The following DNM3 variants were observed in gnomAD, a reference collection of about 807,000 sequenced individuals.
DNM3 encodes the protein dynamin-3.
DNM3 carries 47 observed loss-of-function variants against 101.6 expected under a neutral mutation model. The observed-to-expected ratio is 0.46, with a 90% confidence interval of 0.37 to 0.59. The LOEUF (loss-of-function observed/expected upper bound fraction) is 0.59. Among genes scored for constraint, DNM3 ranks in the 20% least tolerant of loss-of-function variants. The probability of loss-of-function intolerance (pLI) is 0.00; values close to 1 mark genes in which losing one functional copy is unlikely to be tolerated. For missense variants in DNM3, 849 were observed against 1,085.7 expected (o/e 0.78, Z 3.06); for synonymous variants, 385 against 387.9 (o/e 0.99, Z 0.09).
chr1:171,934,012 T>C (rs1282839112), intron 2 of DNM3, among the ~76,000 whole-genome samples: 2 of 152,244 alleles, frequency 1.3e-5, no homozygotes, highest in Non-Finnish European at 2.9e-5. Context: ...TTTTCTCTTC[T>C]CATTTCCATT....
intron 14 of DNM3, among the ~76,000 whole-genome samples, chr1:172,209,129 C>T (rs1230077535): frequency 6.6e-6 from 1 of 151,972 alleles, no homozygotes; most frequent in Non-Finnish European, 1.5e-5. Context: ...GAGGTAATCA[C>T]AGGGGACCCT....
chr1:172,175,394 G>A (rs760066978), intron 14 of DNM3, among the ~76,000 whole-genome samples: 7 of 151,672 alleles, frequency 4.6e-5, no homozygotes, highest in Non-Finnish European at 8.9e-5. Context: ...TGTTAATATT[G>A]ATTTATCCAT....
chr1:172,335,701 A>T (rs1337055326), intron 17 of DNM3, among the ~76,000 whole-genome samples: 2 of 152,180 alleles, frequency 1.3e-5, no homozygotes, highest in Admixed American at 1.3e-4. Flanking sequence ...CAGAAAACCA[A>T]ATACCACATG....
chr1:172,405,528 A>C (rs994634629), intron 20 of DNM3, among the ~76,000 whole-genome samples: 2 of 152,064 alleles, frequency 1.3e-5, no homozygotes, highest in Non-Finnish European at 2.9e-5. Flanking sequence ...GCCTTGATCC[A>C]AGCTATCACA....
chr1:172,019,890 T>C lies in DNM3; in HGVS notation c.590-12512T>C, dbSNP rs189427375. Among the ~76,000 whole-genome samples the C allele has an allele frequency of 3.1e-3, 466 of 152,170 alleles. 2 individuals carry two copies. The highest frequency in any genetic ancestry group is 0.011 in the African/African-American group (447 of 41,488). ...TTTGTAGGCTGTATATCTTATCTAC[T>C]AGAACTCTTAGGATGTTAATCACAG... is the stretch of plus-strand genomic sequence containing the variant. On this transcript the variant is annotated intron_variant, in intron 4 of 20. Transcript: ENST00000627582.
intron 10 of DNM3, among the ~76,000 whole-genome samples, chr1:172,063,884 A>T (rs1338870642): frequency 6.6e-6 from 1 of 152,102 alleles, no homozygotes; most frequent in South Asian, 2.1e-4. Context: ...TTTCACTATT[A>T]TAATATAAGC....
intron 1 of DNM3, among the ~76,000 whole-genome samples, chr1:171,865,255 C>T (rs1276741364): frequency 6.6e-6 from 1 of 151,504 alleles, no homozygotes; most frequent in African/African-American, 2.4e-5. Flanking sequence ...GTAGCTTATG[C>T]CTGTAACCCC....
At chr1:172,000,502 A>C (rs2046294191) in intron 4 of DNM3, among the ~76,000 whole-genome samples, 1 of 152,124 alleles carries the variant, frequency 6.6e-6, no homozygotes, top group Non-Finnish European at 1.5e-5. Flanking sequence ...CTGAGGAGCC[A>C]GGAAGATGCT....
intron 14 of DNM3, among the ~76,000 whole-genome samples, chr1:172,194,212 T>G (rs2059856569): frequency 6.6e-6 from 1 of 152,214 alleles, no homozygotes. Flanking sequence ...TTGACTGCAC[T>G]GTGGTCTGAG....
chr1:172,019,666 AT>A (rs60336390), intron 4 of DNM3, among the ~76,000 whole-genome samples: 47,702 of 147,848 alleles, frequency 0.32, 11,199 homozygotes, highest in African/African-American at 0.67. Flanking sequence ...ACCCCCTAGT[AT>A]TTTTTTTTTC....
At chr1:172,326,086 A>G (rs925403234) in intron 17 of DNM3, among the ~76,000 whole-genome samples, 1 of 152,178 alleles carries the variant, frequency 6.6e-6, no homozygotes, top group African/African-American at 2.4e-5. Flanking sequence ...CTCCAAGAAA[A>G]CTAACTTCTA....
At chr1:171,992,196 C>A (rs961440925) in intron 4 of DNM3, among the ~76,000 whole-genome samples, 1 of 152,100 alleles carries the variant, frequency 6.6e-6, no homozygotes, top group Admixed American at 6.5e-5. Flanking sequence ...CTATATTTTA[C>A]CCCTGTTGTG....
chr1:172,303,039 T>C (rs1297449781), intron 15 of DNM3, among the ~76,000 whole-genome samples: 1 of 152,008 alleles, frequency 6.6e-6, no homozygotes, highest in Non-Finnish European at 1.5e-5. Flanking sequence ...CTTTGATGAG[T>C]TGACAGAAGT....
At chr1:172,055,036 C>T (rs933548337) in intron 10 of DNM3, among the ~76,000 whole-genome samples, 1 of 136,664 alleles carries the variant, frequency 7.3e-6, no homozygotes, top group African/African-American at 2.8e-5. Flanking sequence ...GAAGAAATGC[C>T]AAATTTTGTG....
At chr1:172,231,208 C>CA (rs1035124634) in intron 14 of DNM3, among the ~76,000 whole-genome samples, 8 of 150,908 alleles carry the variant, frequency 5.3e-5, no homozygotes, top group African/African-American at 1.5e-4. Flanking sequence ...TGGGAGGCAC[C>CA]CCCAGTAGGG....
intron 11 of DNM3, among the ~76,000 whole-genome samples, chr1:172,075,367 T>A (rs1180591295): frequency 6.6e-6 from 1 of 152,236 alleles, no homozygotes; most frequent in Non-Finnish European, 1.5e-5. Flanking sequence ...TTTTGGTGTT[T>A]TAGTCATGAA....
intron 7 of DNM3, among the ~76,000 whole-genome samples, chr1:172,040,436 A>G (rs930772633): frequency 3.3e-5 from 5 of 151,432 alleles, no homozygotes; most frequent in African/African-American, 7.3e-5. Flanking sequence ...GTATGTTTAA[A>G]TTGGAGTTTC....
Position 171,973,770 on chromosome 1 carries a change from G to C in DNM3, c.236-13886G>C, listed in dbSNP as rs116708422. Among the ~76,000 whole-genome samples, 1,340 of 150,910 alleles carry C rather than the reference G, an allele frequency of 8.9e-3. 26 individuals are homozygous for C. The highest frequency in any genetic ancestry group is 0.031 in the African/African-American group (1,269 of 40,974). On this transcript the variant is annotated intron_variant, in intron 2 of 20. Coordinates refer to ENST00000627582, the MANE Select transcript of DNM3 (RefSeq NM_015569.5). ...CCTCAACCTCCAGGGCTCAAGTGAT[G>C]CTCCCACCTCAGCCTTCCAAATAGT...
chr1:172,148,577 T>C (rs899742115), intron 14 of DNM3, among the ~76,000 whole-genome samples: 4 of 152,260 alleles, frequency 2.6e-5, no homozygotes, highest in African/African-American at 9.6e-5. Context: ...GGCCTTCTAA[T>C]GTTCTGGAAG....
Sources: allele counts gnomAD v4.1 joint callset (sites outside exome capture counted in the v4.1 genomes callset), GRCh38; gene constraint gnomAD v4.1.1; transcripts MANE v1.5; gene names NCBI Gene and HGNC (gene_info 2026-07-23, HGNC 2026-07-21).